Variants in PIK3C3 observed in about 807,000 individuals in gnomAD.
The protein encoded by PIK3C3 is PI3-kinase type 3.
In PIK3C3, 95 loss-of-function variants were observed where a neutral mutation model predicts 126.1. That is an observed-to-expected ratio of 0.75 (90% confidence interval 0.64 to 0.89). The LOEUF (loss-of-function observed/expected upper bound fraction) is 0.89, where lower values mean the gene tolerates loss of function less well. PIK3C3 is among the 40% of genes least tolerant of loss of function. PIK3C3 has a pLI of 0.00. For missense variants in PIK3C3, 829 were observed against 1,063.2 expected, an observed-to-expected ratio of 0.78 and a Z score of 3.06; for synonymous variants, 374 against 360.0, an observed-to-expected ratio of 1.04 and a Z score of -0.44.
rs1980389213 is a variant in PIK3C3 at position 41,966,716 on chromosome 18, A to G, written c.402-3611A>G. On this transcript the variant is annotated intron_variant, in intron 3 of 24. Transcript: ENST00000262039. ...ATTTGATTTGCAAAATATGCATACA[A>G]TATCTGCAAAAAAGTCCTTTAATTA... 2.6e-5 allele frequency among the ~76,000 whole-genome samples: 4 copies of G among 152,166 alleles called. No individual in the cohort carries two copies. In the South Asian group the frequency reaches 6.2e-4, roughly 24 times the overall value.
rs545350047 is a variant in PIK3C3, at chr18:42,029,347, T to C, written c.1613T>C (p.Met538Thr). ...LLKGDKSVRV[M>T]RSLLAAQQTF... Reference sequence around the variant, plus strand: ...CAGGGTGATAAGTCTGTCAGAGTTATGCGTTCTTTGCTGGCTGCACAACAG... The same window carrying C: ...CAGGGTGATAAGTCTGTCAGAGTTACGCGTTCTTTGCTGGCTGCACAACAG... The change falls in exon 15 of 25, where the codon ATG (methionine) becomes ACG (threonine). Residue 538 changes from methionine (M) to threonine (T), a missense_variant. Met to Thr is a moderately conservative substitution (Grantham distance 81). This residue lies in a region of PIK3C3 where 256 missense variants were observed against 291.0 expected (regional missense o/e 0.88). Transcript: ENST00000262039. 3 of 1,613,632 alleles carry C rather than the reference T, an allele frequency of 1.9e-6. No homozygotes were observed. Among genetic ancestry groups the C allele is most frequent in the African/African-American group, 2.7e-5 (2 of 75,050 alleles).
intron 24 of PIK3C3, among the ~76,000 whole-genome samples, chr18:42,072,409 A>G (rs1598957351): frequency 1.3e-5 from 2 of 152,352 alleles, no homozygotes; most frequent in East Asian, 3.9e-4. Flanking sequence ...TAGGAAGGGT[A>G]GAGATTAAAC....
intron 19 of PIK3C3, among the ~76,000 whole-genome samples, chr18:42,041,486 A>ATT (rs34932250): frequency 8.8e-4 from 119 of 135,434 alleles, no homozygotes; most frequent in East Asian, 7.3e-3. Context: ...ATATGTTTGG[A>ATT]TTTTTTTTTT....
chr18:42,064,571 T>C (rs1985455407), intron 22 of PIK3C3, 169 bp from the exon 23 acceptor site: 1 of 553,684 alleles, frequency 1.8e-6, no homozygotes, highest in Non-Finnish European at 3.3e-6. Flanking sequence ...CAAAATAAAA[T>C]ATTTGTCAAG....
Position 42,064,792 on chromosome 18 carries a change from C to A in PIK3C3, c.2485C>A (p.Pro829Thr). The A allele has an allele frequency of 6.2e-7, 1 of 1,603,192 alleles. No homozygotes were observed. Among genetic ancestry groups the A allele is most frequent in the Non-Finnish European group, 8.5e-7 (1 of 1,170,456 alleles). The part of the protein sequence containing the change: ...LFSLMVDANI[P>T]DIALEPDKTV... Reference sequence around the variant, plus strand: ...TTCCTTGATGGTTGATGCAAACATTCCAGATATTGCACTTGAACCAGATAA... The same window carrying A: ...TTCCTTGATGGTTGATGCAAACATTACAGATATTGCACTTGAACCAGATAA... Residue 829 changes from proline (P) to threonine (T), a missense_variant, in exon 23 of 25, where the codon CCA becomes ACA. Around this residue, in one of 4 missense-constraint regions of PIK3C3, gnomAD observed 196 missense variants for 312.8 expected, o/e 0.63. Transcript: ENST00000262039.
rs1986289981 is a variant in PIK3C3 at position 42,082,648 on chromosome 18, T to G, written c.*1511T>G. On this transcript the variant is annotated 3_prime_UTR_variant, in exon 25 of 25. Transcript: ENST00000262039. ...TTTCTATTGAAACTTCCTCCAAAAC[T>G]TTTCTCTGAATTACCCTTGTTGAAA... 1 of 152,194 alleles carries G rather than the reference T, an allele frequency of 6.6e-6. No individual in the cohort carries two copies. Among genetic ancestry groups the G allele is most frequent in the Non-Finnish European group, 1.5e-5 (1 of 68,028 alleles). 9.4% of individuals were successfully genotyped at this position (152,194 alleles called of 1,614,324 possible). A position where few individuals can be genotyped will look rare whatever the true frequency, so the allele number is the denominator to read the frequency against.
At chr18:42,009,638 T>C (rs950736530) in intron 10 of PIK3C3, among the ~76,000 whole-genome samples, 3 of 148,456 alleles carry the variant, frequency 2.0e-5, no homozygotes, top group African/African-American at 2.6e-5. Context: ...ATGTACATTA[T>C]GTAATGCTTA....
At position 42,074,927 on chromosome 18, in the gene PIK3C3, C is replaced by A. The variant is rs896835665; in HGVS notation, c.2650-6196C>A. The stretch of plus-strand genomic sequence containing the variant: ...TGTTTTACTTAAGTACCTACTCATA[C>A]TTCCCATGAGGTTGAAAGCCGTGTA... On this transcript the variant is annotated intron_variant, in intron 24 of 24. Coordinates refer to ENST00000262039, the MANE Select transcript of PIK3C3 (RefSeq NM_002647.4). Among the ~76,000 whole-genome samples the A allele has an allele frequency of 1.3e-5, 2 of 152,144 alleles. 1 individual carries two copies. The highest frequency in any genetic ancestry group is 4.1e-4 in the South Asian group (2 of 4,834).
intron 13 of PIK3C3, 87 bp downstream of exon 13, chr18:42,020,792 T>C: frequency 1.4e-6 from 1 of 738,670 alleles, no homozygotes; most frequent in Non-Finnish European, 2.3e-6. Context: ...TGATTTAAAA[T>C]AAGATATGAG....
chr18:41,990,829 T>C (rs540253225), intron 6 of PIK3C3, among the ~76,000 whole-genome samples: 2 of 152,304 alleles, frequency 1.3e-5, no homozygotes, highest in African/African-American at 4.8e-5. Flanking sequence ...AATTGGCAAG[T>C]AGGACACTAA....
At chr18:42,080,862 C>T (rs1373254098) in intron 24 of PIK3C3, among the ~76,000 whole-genome samples, 1 of 152,060 alleles carries the variant, frequency 6.6e-6, no homozygotes, top group Non-Finnish European at 1.5e-5. Context: ...TTGCTTGTCT[C>T]GTGTTAATTA....
chr18:42,049,495 T>A (rs748361362), intron 20 of PIK3C3, 36 bp from the exon 21 acceptor site: 2 of 1,532,560 alleles, frequency 1.3e-6, no homozygotes, highest in African/African-American at 1.4e-5. Context: ...CTGGTTTGCA[T>A]TTGTTTTCAC....
At chr18:41,984,458 AAATTT>A (rs945431983) in intron 4 of PIK3C3, among the ~76,000 whole-genome samples, 1 of 152,178 alleles carries the variant, frequency 6.6e-6, no homozygotes, top group Non-Finnish European at 1.5e-5. Context: ...ATTAATAAAA[AAATTT>A]AATATAATTA....
intron 10 of PIK3C3, among the ~76,000 whole-genome samples, chr18:42,009,693 CATTATGTAATGCTTACATTAT>C (rs1982721638): frequency 6.9e-6 from 1 of 145,140 alleles, no homozygotes; most frequent in African/African-American, 2.7e-5. Flanking sequence ...ATGTAATGTA[CATTATGTAATGCTTACATTAT>C]GTAATGTACA....
chr18:42,057,065 C>CCAA (rs34551238), intron 21 of PIK3C3, among the ~76,000 whole-genome samples: 1 of 142,394 alleles, frequency 7.0e-6, no homozygotes, highest in East Asian at 2.2e-4. Flanking sequence ...TGAACCCCCC[C>CCAA]CCCCGTGTTG....
chr18:41,958,739 G>A (rs1350446581), intron 2 of PIK3C3, among the ~76,000 whole-genome samples: 1 of 151,904 alleles, frequency 6.6e-6, no homozygotes. Context: ...ATGTGTGTAT[G>A]TGTATGTAGA....
intron 24 of PIK3C3, among the ~76,000 whole-genome samples, chr18:42,079,446 A>T (rs1366094374): frequency 6.6e-6 from 1 of 152,260 alleles, no homozygotes; most frequent in Non-Finnish European, 1.5e-5. Context: ...CAGGTGGAAT[A>T]GTAATGAAAA....
At position 42,083,709 on chromosome 18, in the gene PIK3C3, G is replaced by C. The variant is rs1479882252; in HGVS notation, c.*2572G>C. 2 of 152,172 alleles carry C rather than the reference G, an allele frequency of 1.3e-5. No individual in the cohort carries two copies. Among genetic ancestry groups the C allele is most frequent in the Admixed American group, 6.5e-5 (1 of 15,274 alleles). The allele number at this position is 152,172 out of a possible 1,614,324, so 9.4% of individuals were successfully genotyped here. On this transcript the variant is annotated 3_prime_UTR_variant, in exon 25 of 25. Transcript: ENST00000262039. ...TATGCCTTATCTCATTATTCTGTGA[G>C]ATAGAATTGTCTCCTCATTTTTTAG...
rs114601543 is a variant in PIK3C3 at position 41,977,468 on chromosome 18, A to G, written c.531+7012A>G. On this transcript the variant is annotated intron_variant, in intron 4 of 24. Transcript: ENST00000262039. ...AAAATTGCGGAAACGTTTTAGAGCC[A>G]TGAGAGGAAGTGGCTATATAGATAT... Among the ~76,000 whole-genome samples, 1,368 of 152,202 alleles carry G rather than the reference A, an allele frequency of 9.0e-3. 18 individuals are homozygous for G. Among genetic ancestry groups the G allele is most frequent in the African/African-American group, 0.032 (1,314 of 41,536 alleles).
Sources: gnomAD v4.1 joint callset for allele counts (sites outside exome capture counted in the v4.1 genomes callset) on GRCh38, gnomAD v4.1.1 for gene constraint, gnomAD v4.1.1 regional missense constraint, MANE v1.5 for transcripts, NCBI Gene and HGNC (gene_info 2026-07-23, HGNC 2026-07-21) for gene names.